Variants in CHODL observed in about 807,000 individuals in gnomAD.
CHODL encodes transmembrane protein MT75.
A neutral mutation model predicts 34.5 loss-of-function variants in CHODL; 29 were observed. The observed-to-expected ratio is 0.84, with a 90% confidence interval of 0.63 to 1.15. CHODL has a LOEUF of 1.15. Ranked by LOEUF, CHODL falls within the 50% of genes most tolerant of loss-of-function variation. CHODL has a pLI of 0.00. For synonymous variants in CHODL, 125 were observed against 116.1 expected (o/e 1.08, Z -0.49); for missense variants, 332 against 332.5 (o/e 1.00, Z 0.01).
chr21:18,122,631 A>T (rs961752497), intron 2 of CHODL, among the ~76,000 whole-genome samples: 15 of 152,330 alleles, frequency 9.8e-5, no homozygotes, highest in African/African-American at 3.6e-4. Flanking sequence ...TAACATCACC[A>T]AAGAATAGAA....
chr21:18,039,672 C>T (rs1236259829), intron 2 of CHODL, among the ~76,000 whole-genome samples: 1 of 151,612 alleles, frequency 6.6e-6, no homozygotes, highest in East Asian at 1.9e-4. Flanking sequence ...CCTTAGAGAT[C>T]CTGAATATAA....
intron 2 of CHODL, among the ~76,000 whole-genome samples, chr21:18,211,754 T>C (rs2073777140): frequency 6.6e-6 from 1 of 152,246 alleles, no homozygotes; most frequent in South Asian, 2.1e-4. Context: ...ATATGGTTAG[T>C]GGTTCCTGTA....
At chr21:18,067,885 T>C (rs1252743225) in intron 2 of CHODL, among the ~76,000 whole-genome samples, 2 of 152,188 alleles carry the variant, frequency 1.3e-5, no homozygotes, top group Admixed American at 6.5e-5. Context: ...TTCCCCAGCT[T>C]GTATTTCTCC....
chr21:18,202,047 T>G (rs1475537112), intron 2 of CHODL, among the ~76,000 whole-genome samples: 2 of 152,112 alleles, frequency 1.3e-5, no homozygotes, highest in African/African-American at 4.8e-5. Flanking sequence ...CCTCGTGATC[T>G]GCCTGCCTCG....
chr21:18,005,748 T>C (rs1161555818), intron 1 of CHODL, among the ~76,000 whole-genome samples: 3 of 152,264 alleles, frequency 2.0e-5, no homozygotes, highest in East Asian at 3.9e-4. Context: ...CCAGAATCCA[T>C]ATCCACCTAG....
chr21:18,008,159 A>C (rs2063977882), intron 1 of CHODL, among the ~76,000 whole-genome samples: 1 of 152,004 alleles, frequency 6.6e-6, no homozygotes, highest in Admixed American at 6.6e-5. Context: ...TTTTTAAAAA[A>C]AAGCTTTATT....
At chr21:18,141,189 C>G (rs1482899004) in intron 2 of CHODL, among the ~76,000 whole-genome samples, 1 of 151,894 alleles carries the variant, frequency 6.6e-6, no homozygotes, top group Non-Finnish European at 1.5e-5. Flanking sequence ...ATCATGGGGA[C>G]CCTTGAGCTT....
At chr21:18,068,583 T>G (rs2064759370) in intron 2 of CHODL, among the ~76,000 whole-genome samples, 1 of 152,166 alleles carries the variant, frequency 6.6e-6, no homozygotes, top group South Asian at 2.1e-4. Flanking sequence ...GCCTCATTCT[T>G]GCACCCTATT....
rs147660145 is a variant in CHODL at position 18,056,721 on chromosome 21, A to G, written c.-45+28750A>G. On this transcript the variant is annotated intron_variant, in intron 2 of 6. Coordinates refer to the CHODL transcript ENST00000400127. ...GATTTCTTCAACTTTTATCTCACAT[A>G]TCTGTTGTTGTGTTTTTCCTTTCTG... 1.7e-3 allele frequency among the ~76,000 whole-genome samples: 259 copies of G among 152,102 alleles called. 1 individual carries two copies. The highest frequency in any genetic ancestry group is 5.7e-3 in the African/African-American group (238 of 41,532).
At position 18,140,142 on chromosome 21, in the gene CHODL, G is replaced by T. The variant is rs374271416; in HGVS notation, c.-45+112171G>T. On this transcript the variant is annotated intron_variant, in intron 2 of 6. Coordinates refer to the CHODL transcript ENST00000400127. ...TTTCTAGGAAGAGAACATCTTTTTG[G>T]AGTCCACTCCCTGAGCTGCGAATAA... Among the ~76,000 whole-genome samples, 19 of 152,196 alleles carry T rather than the reference G, an allele frequency of 1.2e-4. No individual in the cohort carries two copies. In the East Asian group the frequency reaches 3.1e-3, roughly 25 times the overall value.
intron 2 of CHODL, among the ~76,000 whole-genome samples, chr21:18,040,388 G>T (rs2064361138): frequency 6.6e-6 from 1 of 151,800 alleles, no homozygotes; most frequent in Admixed American, 6.6e-5. Context: ...AACTGGCAGT[G>T]GCTCACCAAA....
chr21:18,182,214 C>T (rs1464493759), intron 2 of CHODL, among the ~76,000 whole-genome samples: 2 of 152,100 alleles, frequency 1.3e-5, no homozygotes, highest in African/African-American at 2.4e-5. Flanking sequence ...ATCAGCATTA[C>T]TTTGAAGACT....
chr21:18,060,431 C>T (rs2064645770), intron 2 of CHODL, among the ~76,000 whole-genome samples: 2 of 151,466 alleles, frequency 1.3e-5, no homozygotes, highest in Non-Finnish European at 2.9e-5. Flanking sequence ...GCCTGGGCCA[C>T]AGAGTGAGAC....
chr21:18,094,231 A>G (rs2146533880), intron 2 of CHODL, among the ~76,000 whole-genome samples: 1 of 152,262 alleles, frequency 6.6e-6, no homozygotes, highest in East Asian at 1.9e-4. Flanking sequence ...AACAAATATT[A>G]TAGCTAAAGA....
intron 2 of CHODL, among the ~76,000 whole-genome samples, chr21:18,140,649 G>A (rs1182680269): frequency 1.3e-5 from 2 of 152,074 alleles, no homozygotes; most frequent in Non-Finnish European, 2.9e-5. Context: ...CCAGAAAATG[G>A]GACTAAGAAG....
intron 4 of CHODL, among the ~76,000 whole-genome samples, chr21:18,261,755 G>A (rs990267849): frequency 6.6e-6 from 1 of 152,052 alleles, no homozygotes; most frequent in African/African-American, 2.4e-5. Flanking sequence ...TAAGTTGTAT[G>A]GAATTACAGT....
chr21:17,998,187 C>A (rs1472619483), intron 1 of CHODL, among the ~76,000 whole-genome samples: 3 of 152,166 alleles, frequency 2.0e-5, no homozygotes, highest in Non-Finnish European at 4.4e-5. Flanking sequence ...TCCAGTGGGA[C>A]AGTCAAATTT....
intron 2 of CHODL, among the ~76,000 whole-genome samples, chr21:18,125,608 A>ATTACATTTAATTAATTAATTAATTAT (rs1036897386): frequency 6.6e-6 from 1 of 151,636 alleles, no homozygotes; most frequent in Non-Finnish European, 1.5e-5. Flanking sequence ...TAATTAATTA[A>ATTACATTTAATTAATTAATTAATTAT]TTTTTGAGAT....
At chr21:18,132,785 T>C (rs986532108) in intron 2 of CHODL, among the ~76,000 whole-genome samples, 7 of 152,182 alleles carry the variant, frequency 4.6e-5, no homozygotes, top group Admixed American at 2.6e-4. Context: ...TGTTCCCTTT[T>C]TTATTAAAGG....
Sources: allele counts gnomAD v4.1 joint callset (sites outside exome capture counted in the v4.1 genomes callset), GRCh38; gene constraint gnomAD v4.1.1; transcripts MANE v1.5; gene names NCBI Gene and HGNC (gene_info 2026-07-23, HGNC 2026-07-21).